The following SH3RF3 variants were observed in gnomAD, a reference collection of about 807,000 sequenced individuals.
SH3RF3 encodes the protein E3 ubiquitin-protein ligase SH3RF3.
SH3RF3 carries 29 observed loss-of-function variants against 66.3 expected under a neutral mutation model. The observed-to-expected ratio is 0.44, with a 90% confidence interval of 0.33 to 0.60. The LOEUF is 0.60. Among genes scored for constraint, SH3RF3 ranks in the 20% least tolerant of loss-of-function variants. SH3RF3 has a pLI of 0.04. For synonymous variants in SH3RF3, 583 were observed against 532.0 expected, an observed-to-expected ratio of 1.10 and a Z score of -1.32; for missense variants, 1,194 against 1,190.9, an observed-to-expected ratio of 1.00 and a Z score of -0.04.
At chr2:109,449,513 C>A in intron 8 of SH3RF3, 24 bp downstream of exon 8, 8 of 1,608,384 alleles carry the variant, frequency 5.0e-6, no homozygotes, top group Non-Finnish European at 6.8e-6. Context: ...CCTGGACGAG[C>A]CCTGGGCTCG....
intron 1 of SH3RF3, among the ~76,000 whole-genome samples, chr2:109,196,444 C>G (rs1299546600): frequency 6.6e-6 from 1 of 152,222 alleles, no homozygotes; most frequent in Non-Finnish European, 1.5e-5. Flanking sequence ...AGCCCTTCCT[C>G]CATCCTGGGC....
intron 7 of SH3RF3, among the ~76,000 whole-genome samples, chr2:109,444,732 C>T (rs1182489016): frequency 1.3e-5 from 2 of 152,114 alleles, no homozygotes; most frequent in Non-Finnish European, 2.9e-5. Context: ...ACAGAACTGC[C>T]AGACCCAGAA....
intron 8 of SH3RF3, among the ~76,000 whole-genome samples, chr2:109,484,395 C>T (rs1269123363): frequency 2.0e-5 from 3 of 152,124 alleles, no homozygotes; most frequent in African/African-American, 4.8e-5. Context: ...CCTCACCAGG[C>T]ACCTCGACCC....
At chr2:109,485,275 A>G (rs556660029) in intron 8 of SH3RF3, among the ~76,000 whole-genome samples, 99 of 152,378 alleles carry the variant, frequency 6.5e-4, no homozygotes, top group Admixed American at 2.4e-3. Flanking sequence ...GGCTTAATCA[A>G]GAAGGTAACT....
intron 4 of SH3RF3, among the ~76,000 whole-genome samples, chr2:109,416,859 C>T (rs1021398014): frequency 6.7e-6 from 1 of 149,896 alleles, no homozygotes. Context: ...GAGCTGAGAT[C>T]GCGCCACTGC....
At chr2:109,212,234 C>A (rs1679002325) in intron 1 of SH3RF3, among the ~76,000 whole-genome samples, 1 of 152,262 alleles carries the variant, frequency 6.6e-6, no homozygotes, top group Admixed American at 6.5e-5. Flanking sequence ...CTTCTTGACT[C>A]CTCACTTCCC....
intron 1 of SH3RF3, among the ~76,000 whole-genome samples, chr2:109,166,350 G>T (rs2104927335): frequency 6.6e-6 from 1 of 151,918 alleles, no homozygotes; most frequent in Non-Finnish European, 1.5e-5. Flanking sequence ...GGTGGTGTGT[G>T]CCTGTAGTCC....
At chr2:109,496,608 A>G (rs1446747794) in intron 9 of SH3RF3, among the ~76,000 whole-genome samples, 2 of 152,196 alleles carry the variant, frequency 1.3e-5, no homozygotes, top group Non-Finnish European at 2.9e-5. Context: ...AGATGTTCAC[A>G]TCGGATCAGC....
At chr2:109,479,738 T>C (rs1238315406) in intron 8 of SH3RF3, among the ~76,000 whole-genome samples, 4 of 152,208 alleles carry the variant, frequency 2.6e-5, no homozygotes, top group Admixed American at 2.6e-4. Context: ...TGAACCCCCT[T>C]GTGAACCTGC....
intron 1 of SH3RF3, among the ~76,000 whole-genome samples, chr2:109,155,654 T>G (rs1396449125): frequency 6.6e-6 from 1 of 152,182 alleles, no homozygotes; most frequent in African/African-American, 2.4e-5. Flanking sequence ...TTTCAAGCAG[T>G]GCCTGGCCTG....
intron 2 of SH3RF3, among the ~76,000 whole-genome samples, chr2:109,361,332 A>C (rs1683047078): frequency 6.6e-6 from 1 of 152,222 alleles, no homozygotes; most frequent in Non-Finnish European, 1.5e-5. Flanking sequence ...CGTTAACCTC[A>C]TAGAAGTTAG....
At chr2:109,499,681 G>A (rs1052988804) in intron 9 of SH3RF3, among the ~76,000 whole-genome samples, 2 of 152,214 alleles carry the variant, frequency 1.3e-5, no homozygotes, top group African/African-American at 4.8e-5. Flanking sequence ...GGCTCTCCTG[G>A]GGCCACCACA....
At chr2:109,399,070 G>C in intron 4 of SH3RF3, 127 bp downstream of exon 4, 1 of 1,138,146 alleles carries the variant, frequency 8.8e-7, no homozygotes, top group Non-Finnish European at 1.2e-6. Context: ...TTGGGGTTGA[G>C]TGGGGTTTGC....
intron 7 of SH3RF3, among the ~76,000 whole-genome samples, chr2:109,440,392 A>AAGCAG (rs763631911): frequency 3.3e-5 from 5 of 152,226 alleles, no homozygotes; most frequent in African/African-American, 1.2e-4. Context: ...CCGAAAAGCT[A>AAGCAG]AGCAGAGCAG....
intron 1 of SH3RF3, among the ~76,000 whole-genome samples, chr2:109,292,952 G>T (rs773012682): frequency 6.6e-6 from 1 of 152,120 alleles, no homozygotes; most frequent in Non-Finnish European, 1.5e-5. Context: ...GGCTGGTCTC[G>T]AACTCCTGAC....
intron 1 of SH3RF3, among the ~76,000 whole-genome samples, chr2:109,211,700 A>G (rs968900488): frequency 1.0e-4 from 15 of 148,306 alleles, no homozygotes; most frequent in African/African-American, 3.5e-4. Context: ...GGTGGAGTGC[A>G]ATGGTGCAAT....
At chr2:109,355,016 C>A (rs2105597120) in intron 2 of SH3RF3, among the ~76,000 whole-genome samples, 1 of 152,288 alleles carries the variant, frequency 6.6e-6, no homozygotes, top group African/African-American at 2.4e-5. Context: ...TTTTAGTAAC[C>A]ACTTTATGTT....
chr2:109,479,826 A>G (rs1359199293), intron 8 of SH3RF3, among the ~76,000 whole-genome samples: 1 of 152,104 alleles, frequency 6.6e-6, no homozygotes, highest in East Asian at 1.9e-4. Flanking sequence ...TCCACAGACC[A>G]CTGATGAAGA....
chr2:109,247,855 T>C (rs1454730879), intron 1 of SH3RF3, among the ~76,000 whole-genome samples: 2 of 152,172 alleles, frequency 1.3e-5, no homozygotes, highest in African/African-American at 2.4e-5. Context: ...CTCCACATGG[T>C]CTCTTATATC....
Sources: allele counts gnomAD v4.1 joint callset (sites outside exome capture counted in the v4.1 genomes callset), GRCh38; gene constraint gnomAD v4.1.1; transcripts MANE v1.5; gene names NCBI Gene and HGNC (gene_info 2026-07-23, HGNC 2026-07-21).